FMO1: variants seen among roughly 807,000 people sequenced by gnomAD.
FMO1 encodes flavin-containing monooxygenase 1.
Under a neutral mutation model 45.4 loss-of-function variants are expected in FMO1, and 36 were observed. The observed-to-expected ratio is 0.79, with a 90% CI of 0.61 to 1.05. The LOEUF is 1.05. FMO1 is among the 50% of genes least tolerant of loss of function. The pLI, the probability that FMO1 is intolerant of heterozygous loss-of-function variation, is 0.00. For missense variants in FMO1, 615 were observed against 640.3 expected (o/e 0.96, Z 0.43); for synonymous variants, 228 against 227.2 (o/e 1.00, Z -0.03).
chr1:171,279,105 T>TG (rs1661248471), intron 5 of FMO1, among the ~76,000 whole-genome samples: 1 of 150,614 alleles, frequency 6.6e-6, no homozygotes, highest in Non-Finnish European at 1.5e-5. Flanking sequence ...TTTTTTTTTT[T>TG]GTCATTTTCC....
At chr1:171,257,993 C>T (rs906290344) in intron 1 of FMO1, 89 bp from the exon 2 acceptor site, 4 of 1,502,506 alleles carry the variant, frequency 2.7e-6, no homozygotes, top group African/African-American at 2.8e-5. Flanking sequence ...ATCGCCTAAT[C>T]TTCCAAATTC....
chr1:171,278,047 T>C (rs1661182411), intron 4 of FMO1, among the ~76,000 whole-genome samples: 1 of 152,194 alleles, frequency 6.6e-6, no homozygotes, highest in South Asian at 2.1e-4. Flanking sequence ...TCATGTGATG[T>C]TTCAATAAGA....
At chr1:171,270,676 G>A in intron 3 of FMO1, 1 of 1,036,708 alleles carries the variant, frequency 9.6e-7, no homozygotes, top group Non-Finnish European at 1.2e-6. Context: ...ACTAATTTGT[G>A]CTGTGCACCA....
At chr1:171,277,553 A>T (rs1053807117) in intron 4 of FMO1, among the ~76,000 whole-genome samples, 3 of 152,164 alleles carry the variant, frequency 2.0e-5, no homozygotes, top group African/African-American at 7.2e-5. Context: ...GTCTGTTAAG[A>T]GACAGCCACA....
chr1:171,253,872 T>C (rs1660020217), intron 1 of FMO1: 1 of 152,188 alleles, frequency 6.6e-6, no homozygotes, highest in South Asian at 2.1e-4. Context: ...AAGGCTTCTG[T>C]ATACTGGATG....
chr1:171,277,233 A>C (rs943712869), intron 4 of FMO1, among the ~76,000 whole-genome samples: 4 of 152,184 alleles, frequency 2.6e-5, no homozygotes, highest in African/African-American at 7.2e-5. Flanking sequence ...ATGGTTGTTA[A>C]CTGTCAAATA....
chr1:171,253,386 G>T (rs907681617), intron 1 of FMO1, among the ~76,000 whole-genome samples: 3 of 152,136 alleles, frequency 2.0e-5, no homozygotes, highest in Non-Finnish European at 1.5e-5. Flanking sequence ...TCAAAAGACT[G>T]CCAGGCATGG....
chr1:171,252,298 C>T (rs1659929733), intron 1 of FMO1, among the ~76,000 whole-genome samples: 1 of 152,134 alleles, frequency 6.6e-6, no homozygotes, highest in Admixed American at 6.5e-5. Flanking sequence ...TCCATTTTAG[C>T]AGTGACATTC....
chr1:171,268,626 T>C (rs1660719650), intron 3 of FMO1, among the ~76,000 whole-genome samples: 1 of 152,220 alleles, frequency 6.6e-6, no homozygotes, highest in Admixed American at 6.5e-5. Context: ...TTTCCTTTTT[T>C]TCTCTGTTTC....
At position 171,280,897 on chromosome 1, in the gene FMO1, C is replaced by G; in HGVS notation, c.739C>G (p.Leu247Val). The G allele has an allele frequency of 6.2e-7, 1 of 1,613,954 alleles. No individual in the cohort carries two copies. The highest frequency in any genetic ancestry group is 1.1e-5 in the South Asian group (1 of 91,074). The change falls in exon 6 of 9, where the codon CTC (leucine) becomes GTC (valine). Residue 247 changes from leucine to valine, a missense_variant. Transcript: ENST00000617670. ...CTTTCAGAACATGTTGAGAAATTCC[C>G]TCCCAACCCCAATTGTGACTTGGTT... is the stretch of plus-strand genomic sequence containing the variant. The part of the protein sequence containing the change: ...TRFQNMLRNS[L>V]PTPIVTWLME...
intron 1 of FMO1, among the ~76,000 whole-genome samples, chr1:171,254,242 C>A (rs1336833870): frequency 1.3e-5 from 2 of 152,092 alleles, no homozygotes; most frequent in Non-Finnish European, 2.9e-5. Context: ...GTGCACACCA[C>A]CATGCCCAGC....
At chr1:171,278,256 C>G (rs1661191013) in intron 4 of FMO1, among the ~76,000 whole-genome samples, 1 of 152,094 alleles carries the variant, frequency 6.6e-6, no homozygotes, top group Non-Finnish European at 1.5e-5. Context: ...TTATCTTATT[C>G]CCCCCATACC....
At chr1:171,278,658 C>A in intron 4 of FMO1, 71 bp from the exon 5 acceptor site, 1 of 1,183,152 alleles carries the variant, frequency 8.5e-7, no homozygotes, top group Non-Finnish European at 1.2e-6. Context: ...ATGTTATCAA[C>A]TGAAGAATAT....
At chr1:171,282,495 T>G in intron 7 of FMO1, 162 bp downstream of exon 7, 1 of 566,138 alleles carries the variant, frequency 1.8e-6, no homozygotes. Flanking sequence ...TCATAATGAT[T>G]TGTTCCATTA....
intron 3 of FMO1, among the ~76,000 whole-genome samples, chr1:171,274,148 CAAA>C (rs36027678): frequency 5.2e-5 from 5 of 96,680 alleles, no homozygotes; most frequent in Admixed American, 1.3e-4. Context: ...GACTCCATCT[CAAA>C]AAAAAAAAAA....
Position 171,285,368 on chromosome 1 carries a change from T to G in FMO1, c.1423T>G (p.Leu475Val). ...CCCATGCTCACCATACCAGTTCCGC[T>G]TGACTGGCCCAGGAAAATGGGAAGG... ...FGPCSPYQFR[L>V]TGPGKWEGAR... Residue 475 changes from leucine to valine, a missense_variant, in exon 9 of 9, where the codon TTG (leucine) becomes GTG (valine). Leu to Val is a conservative substitution (Grantham distance 32). Transcript: ENST00000617670. 1 of 1,613,964 alleles carries G rather than the reference T, an allele frequency of 6.2e-7. No homozygotes were observed.
chr1:171,283,207 AGCCCAGTTGGT>A lies in FMO1; in HGVS notation c.1248_1256+2del. On this transcript the variant is annotated splice_donor_variant and coding_sequence_variant, in exon 8 of 9. Transcript: ENST00000617670. LOFTEE classifies it high-confidence loss of function. ...GAAATTAATGCAAGGAAAGAAAACA[AGCCCAGTTGGT>A]AAGTTAACTACTTAATGCACCCTTT... The A allele has an allele frequency of 6.5e-7, 1 of 1,538,860 alleles. No individual in the cohort carries two copies.
Position 171,282,319 on chromosome 1 carries a change from T to A in FMO1, c.1169T>A (p.Val390Asp). 1 of 1,609,474 alleles carries A rather than the reference T, an allele frequency of 6.2e-7. No homozygotes were observed. Among genetic ancestry groups the A allele is most frequent in the Non-Finnish European group, 8.5e-7 (1 of 1,176,882 alleles). ...PTGETQARWA[V>D]RVLKGVNKLP... Reference sequence around the variant, plus strand: ...GGAGAAACACAAGCTCGGTGGGCTGTTCGAGTCCTGAAAGGTAAGTATAAG... The same window carrying A: ...GGAGAAACACAAGCTCGGTGGGCTGATCGAGTCCTGAAAGGTAAGTATAAG... The change falls in exon 7 of 9, where the codon GTT becomes GAT. Residue 390 changes from valine (V) to aspartate (D), a missense_variant. By Grantham distance (152) the Val-to-Asp change is radical. Transcript: ENST00000617670.
chr1:171,276,113 A>G (rs28360402), intron 4 of FMO1, among the ~76,000 whole-genome samples: 4 of 152,182 alleles, frequency 2.6e-5, no homozygotes, highest in Non-Finnish European at 4.4e-5. Flanking sequence ...ACTCAATGGA[A>G]CAGAAAATGA....
Sources: allele counts gnomAD v4.1 joint callset (sites outside exome capture counted in the v4.1 genomes callset), GRCh38; gene constraint gnomAD v4.1.1; transcripts MANE v1.5; gene names NCBI Gene and HGNC (gene_info 2026-07-23, HGNC 2026-07-21).